The following NOX4 variants were observed in gnomAD, a reference collection of about 807,000 sequenced individuals.
NOX4 encodes the protein NADPH oxidase 4.
Under a neutral mutation model 87.6 loss-of-function variants are expected in NOX4, and 69 were observed. The ratio of observed to expected loss-of-function variants is 0.79; its 90% CI spans 0.65 to 0.96. The LOEUF (loss-of-function observed/expected upper bound fraction) is 0.96. NOX4 is among the 40% of genes least tolerant of loss of function. The probability of loss-of-function intolerance (pLI) is 0.00; values close to 1 mark genes in which losing one functional copy is unlikely to be tolerated. For missense variants in NOX4, 680 were observed against 681.5 expected, an observed-to-expected ratio of 1.00 and a Z score of 0.02; for synonymous variants, 275 against 238.2, an observed-to-expected ratio of 1.15 and a Z score of -1.42.
chr11:89,514,973 G>A, the NOX4 span, among the ~76,000 whole-genome samples: 2 of 151,868 alleles, frequency 1.3e-5, no homozygotes, highest in East Asian at 3.9e-4. Flanking sequence ...ATTATTCCAT[G>A]GAATGAAAAT....
chr11:89,493,396 A>G (rs1005756484), upstream of NOX4, among the ~76,000 whole-genome samples: 1 of 152,078 alleles, frequency 6.6e-6, no homozygotes, highest in Admixed American at 6.5e-5. Flanking sequence ...CTCAAAAAAA[A>G]AAAAGAGATG....
At chr11:89,484,169 T>G (rs774371529) in intron 2 of NOX4, among the ~76,000 whole-genome samples, 5 of 152,128 alleles carry the variant, frequency 3.3e-5, no homozygotes, top group African/African-American at 7.2e-5. Flanking sequence ...TTGACTATCT[T>G]TGAGATTCAT....
intron 11 of NOX4, among the ~76,000 whole-genome samples, chr11:89,394,221 T>G (rs961611249): frequency 6.6e-6 from 1 of 152,160 alleles, no homozygotes; most frequent in Non-Finnish European, 1.5e-5. Context: ...ATACACTGTT[T>G]TAAGAAAGTA....
At chr11:89,480,069 T>A (rs7939071) in intron 2 of NOX4, among the ~76,000 whole-genome samples, 47,279 of 152,104 alleles carry the variant, frequency 0.31, 8,955 homozygotes, top group Non-Finnish European at 0.44. Flanking sequence ...CCACATTTGG[T>A]TGAAAACAAT....
intron 5 of NOX4, among the ~76,000 whole-genome samples, chr11:89,441,174 G>A (rs1000280090): frequency 3.3e-5 from 5 of 152,292 alleles, no homozygotes; most frequent in African/African-American, 1.2e-4. Context: ...AGCTCAGTAC[G>A]AAGAAGACTA....
At chr11:89,441,947 CTA>C (rs5793404) in intron 5 of NOX4, among the ~76,000 whole-genome samples, 52,300 of 137,664 alleles carry the variant, frequency 0.38, 9,456 homozygotes, top group East Asian at 0.52. Flanking sequence ...TATGTGTTGA[CTA>C]TATATATATA....
At chr11:89,504,647 A>AAGTTCCATTGTG in the NOX4 span, among the ~76,000 whole-genome samples, 7 of 152,028 alleles carry the variant, frequency 4.6e-5, no homozygotes, top group African/African-American at 1.7e-4. Context: ...CTGCTAGTCT[A>AAGTTCCATTGTG]AGTTCCATTG....
chr11:89,341,430 C>T (rs1407673065), intron 14 of NOX4, among the ~76,000 whole-genome samples: 1 of 152,056 alleles, frequency 6.6e-6, no homozygotes, highest in African/African-American at 2.4e-5. Context: ...GCCACAATTT[C>T]ACCTTTGAAG....
chr11:89,491,229 C>A lies in NOX4; in HGVS notation c.18G>T (p.Arg6Ser). Residue 6 changes from arginine to serine, a missense_variant, in exon 1 of 18, where the codon AGG becomes AGT. Physicochemically the swap from Arg to Ser is moderately radical, Grantham distance 110. Transcript: ENST00000263317. MAVSW[R>S]SWLANEGVKH... is the part of the protein sequence containing the mutation. ...TAACCCCTTCGTTGGCGAGCCAGCT[C>A]CTCCAGGACACAGCCATGCCGCCGG... is the stretch of plus-strand genomic sequence containing the variant. 3 of 1,613,688 alleles carry A rather than the reference C, an allele frequency of 1.9e-6. No individual in the cohort carries two copies. The highest frequency in any genetic ancestry group is 2.7e-5 in the African/African-American group (2 of 75,058).
At chr11:89,521,087 ATC>A in the NOX4 span, among the ~76,000 whole-genome samples, 1 of 152,286 alleles carries the variant, frequency 6.6e-6, no homozygotes, top group African/African-American at 2.4e-5. Context: ...GATTGCAAAA[ATC>A]AGTATTGTTA....
chr11:89,537,873 C>G, the NOX4 span, among the ~76,000 whole-genome samples: 3 of 152,250 alleles, frequency 2.0e-5, no homozygotes, highest in South Asian at 2.1e-4. Flanking sequence ...TGTTTTTCAT[C>G]TCCAGCTCTA....
upstream of NOX4, among the ~76,000 whole-genome samples, chr11:89,495,609 A>G (rs1300186779): frequency 1.3e-5 from 2 of 152,152 alleles, no homozygotes; most frequent in Non-Finnish European, 2.9e-5. Flanking sequence ...TTAGGTGGCT[A>G]TTATTTAGCC....
chr11:89,491,337 C>G lies in NOX4; in HGVS notation c.-91G>C. The G allele has an allele frequency of 1.7e-6, 2 of 1,209,772 alleles. No homozygotes were observed. The highest frequency in any genetic ancestry group is 2.3e-6 in the Non-Finnish European group (2 of 871,058). 74.9% of individuals were successfully genotyped at this position (1,209,772 alleles called of 1,614,324 possible). A position where few individuals can be genotyped will look rare whatever the true frequency, so the allele number is the denominator to read the frequency against. On this transcript the variant is annotated 5_prime_UTR_variant, in exon 1 of 18. Coordinates refer to ENST00000263317, the MANE Select transcript of NOX4 (RefSeq NM_016931.5). ...GCAGCGGTTACAGTTGTGCGGCCTG[C>G]CGGGCCGCTGAGCGAGGACCGAGGG...
At chr11:89,375,549 C>G (rs1288516425) in intron 11 of NOX4, among the ~76,000 whole-genome samples, 1 of 152,152 alleles carries the variant, frequency 6.6e-6, no homozygotes, top group East Asian at 1.9e-4. Flanking sequence ...CTCATATTAT[C>G]CATCCACCTC....
chr11:89,524,479 A>C, the NOX4 span, among the ~76,000 whole-genome samples: 3 of 152,128 alleles, frequency 2.0e-5, no homozygotes, highest in Non-Finnish European at 4.4e-5. Flanking sequence ...AGGCTCAGAA[A>C]GTTTACCTAA....
rs3974683 is a variant in NOX4, at chr11:89,345,638, C to T, written c.1218-3445G>A. ...TCTATTGTTTCCATCTTCATGTCTACGTGTACCCAATGTTTAGTTTTCTGT... is the reference window on the plus strand; with the variant it reads ...TCTATTGTTTCCATCTTCATGTCTATGTGTACCCAATGTTTAGTTTTCTGT... On this transcript the variant is annotated intron_variant, in intron 13 of 17. Coordinates refer to ENST00000263317, the MANE Select transcript of NOX4 (RefSeq NM_016931.5). Among the ~76,000 whole-genome samples the T allele has an allele frequency of 3.5e-3, 534 of 152,184 alleles. 2 individuals are homozygous for T. Among genetic ancestry groups the T allele is most frequent in the African/African-American group, 0.012 (510 of 41,536 alleles).
In NOX4 at chr11:89,451,883, G is replaced by A; in HGVS notation, c.166C>T (p.Leu56=). Residue 56 remains leucine (L), a synonymous_variant, in exon 3 of 18, where the codon CTA becomes TTA. Transcript: ENST00000263317. ...LHQMLGLGLC[L]SRASASVLNL... ...AGAACAGATGCTGAGGCTCTGCTTA[G>A]ACACAATCCTAGCTGAACAAATAAG... 1 of 1,611,656 alleles carries A rather than the reference G, an allele frequency of 6.2e-7. No individual in the cohort carries two copies. Among genetic ancestry groups the A allele is most frequent in the Non-Finnish European group, 8.5e-7 (1 of 1,178,038 alleles).
chr11:89,460,633 G>A (rs1945417649), intron 2 of NOX4, among the ~76,000 whole-genome samples: 1 of 152,116 alleles, frequency 6.6e-6, no homozygotes, highest in South Asian at 2.1e-4. Flanking sequence ...AGTTAGAATG[G>A]TGATCATTAA....
At chr11:89,382,705 C>T (rs1159045168) in intron 11 of NOX4, among the ~76,000 whole-genome samples, 2 of 152,048 alleles carry the variant, frequency 1.3e-5, no homozygotes, top group African/African-American at 2.4e-5. Flanking sequence ...CTCCACTCCC[C>T]CACCCTATAA....
Sources: allele counts gnomAD v4.1 joint callset (sites outside exome capture counted in the v4.1 genomes callset), GRCh38; gene constraint gnomAD v4.1.1; transcripts MANE v1.5; gene names NCBI Gene and HGNC (gene_info 2026-07-23, HGNC 2026-07-21).